CC2D1A: variants seen among roughly 807,000 people sequenced by gnomAD.
CC2D1A encodes coiled-coil and C2 domain-containing protein 1A.
In CC2D1A, 68 loss-of-function variants were observed where a neutral mutation model predicts 123.8. The ratio of observed to expected loss-of-function variants is 0.55; its 90% CI spans 0.45 to 0.67. The LOEUF is 0.67. CC2D1A is among the 30% of genes least tolerant of loss of function. The pLI is 0.00. For missense variants in CC2D1A, 1,185 were observed against 1,290.3 expected, an observed-to-expected ratio of 0.92 and a Z score of 1.25; for synonymous variants, 477 against 528.0, an observed-to-expected ratio of 0.90 and a Z score of 1.32.
At chr19:13,913,366 T>C in intron 5 of CC2D1A, 38 bp from the exon 6 acceptor site, 2 of 1,609,080 alleles carry the variant, frequency 1.2e-6, no homozygotes, top group Non-Finnish European at 1.7e-6. Flanking sequence ...CACCAAGCTC[T>C]TGGCTTCTCC....
chr19:13,917,869 G>A (rs1384360730), intron 6 of CC2D1A, among the ~76,000 whole-genome samples: 5 of 152,130 alleles, frequency 3.3e-5, no homozygotes, highest in African/African-American at 1.2e-4. Context: ...TACTCAGGAG[G>A]CTGAGGCAGG....
intron 1 of CC2D1A, among the ~76,000 whole-genome samples, chr19:13,908,985 G>C (rs952205584): frequency 6.6e-6 from 1 of 151,748 alleles, no homozygotes; most frequent in Non-Finnish European, 1.5e-5. Context: ...GAGTGCCGTA[G>C]CACAGTCATG....
chr19:13,929,462 G>A lies in CC2D1A; in HGVS notation c.2583+20G>A. The A allele has an allele frequency of 1.9e-6, 3 of 1,612,742 alleles. No individual in the cohort carries two copies. The highest frequency in any genetic ancestry group is 2.5e-6 in the Non-Finnish European group (3 of 1,179,868). On this transcript the variant is annotated intron_variant, in intron 25 of 28. Transcript: ENST00000318003. The stretch of plus-strand genomic sequence containing the variant: ...CGGAAGGTGGGTATCCATCCTGCCG[G>A]GCTACATGGGGCAGGACTGGGGAGT...
chr19:13,930,088 C>T lies in CC2D1A; in HGVS notation c.2721C>T (p.Ala907=), dbSNP rs757431462. The T allele has an allele frequency of 2.8e-5, 45 of 1,612,980 alleles. No homozygotes were observed. The highest frequency in any genetic ancestry group is 3.8e-5 in the Non-Finnish European group (45 of 1,179,626). The change falls in exon 27 of 29, where the codon GCC becomes GCT. Residue 907 remains alanine, a synonymous_variant. Coordinates refer to ENST00000318003, the MANE Select transcript of CC2D1A (RefSeq NM_017721.5). The surrounding 1 kb of genome is among the most constrained non-coding windows in gnomAD (Gnocchi z 6.8). The part of the protein sequence containing the change: ...GGVGIRREYA[A]QLERQLQFYT... ...GCCATCCATTCTCAGAATACGCAGC[C>T]CAGCTGGAGCGGCAGCTGCAGTTCT...
intron 1 of CC2D1A, among the ~76,000 whole-genome samples, chr19:13,907,838 A>G (rs1970835031): frequency 6.6e-6 from 1 of 152,192 alleles, no homozygotes; most frequent in Non-Finnish European, 1.5e-5. Flanking sequence ...TATCATTATT[A>G]CTAGTTGGTG....
At chr19:13,928,316 C>A in intron 24 of CC2D1A, 128 bp downstream of exon 24, 1 of 774,938 alleles carries the variant, frequency 1.3e-6, no homozygotes, top group Non-Finnish European at 2.1e-6. Context: ...TCTTGGCACC[C>A]CTTTTCCCAG....
Position 13,918,078 on chromosome 19 carries a change from A to G in CC2D1A, c.757A>G (p.Ser253Gly). 1 of 1,613,172 alleles carries G rather than the reference A, an allele frequency of 6.2e-7. No homozygotes were observed. Residue 253 changes from serine to glycine, a missense_variant, in exon 7 of 29, where the codon AGC becomes GGC. By Grantham distance (56) the Ser-to-Gly change is moderately conservative. Transcript: ENST00000318003. Reference protein sequence around the residue: ...AKPQMPPGPCSPGPLAQLQSR... With the variant: ...AKPQMPPGPCGPGPLAQLQSR... ...GTTGTTCTCCCTTCCAGGTCCCTGCAGCCCTGGCCCTCTGGCCCAGTTGCA... is the reference window on the plus strand; with the variant it reads ...GTTGTTCTCCCTTCCAGGTCCCTGCGGCCCTGGCCCTCTGGCCCAGTTGCA...
rs769591087 is a variant in CC2D1A, at chr19:13,927,281, T to C, written c.2316+16T>C. On this transcript the variant is annotated intron_variant, in intron 22 of 28. Coordinates refer to ENST00000318003, the MANE Select transcript of CC2D1A (RefSeq NM_017721.5). ...GATCCTTGAGGTGAGAGGTGGACAT[T>C]CATCCGCGTGCTCCGGTATGGCCAT... 1.0e-5 allele frequency: 16 copies of C among 1,597,962 alleles called. No individual in the cohort carries two copies. Among genetic ancestry groups the C allele is most frequent in the Non-Finnish European group, 1.4e-5 (16 of 1,165,442 alleles).
At position 13,920,760 on chromosome 19, in the gene CC2D1A, G is replaced by T; in HGVS notation, c.1479G>T (p.Gln493His). ...PKATSTRAQQ[Q>H]LAFLEGRKKQ... Reference sequence around the variant, plus strand: ...CTCCTATGCCCACAGCCCAGCAGCAGCTGGCCTTCCTAGAGGGCCGCAAGA... The same window carrying T: ...CTCCTATGCCCACAGCCCAGCAGCATCTGGCCTTCCTAGAGGGCCGCAAGA... Residue 493 changes from glutamine to histidine, a missense_variant, in exon 14 of 29, where the codon CAG becomes CAT. Coordinates refer to ENST00000318003, the MANE Select transcript of CC2D1A (RefSeq NM_017721.5). 1 of 1,613,276 alleles carries T rather than the reference G, an allele frequency of 6.2e-7. No homozygotes were observed. Among genetic ancestry groups the T allele is most frequent in the South Asian group, 1.1e-5 (1 of 91,046 alleles).
chr19:13,925,396 T>C (rs10401292), intron 17 of CC2D1A, among the ~76,000 whole-genome samples: 17,802 of 151,882 alleles, frequency 0.12, 3,346 homozygotes, highest in African/African-American at 0.4. Flanking sequence ...CTGGCTAACA[T>C]GGTGAAATCC....
In CC2D1A at chr19:13,906,476, G is replaced by T. The variant is rs1166152440; in HGVS notation, c.35G>T (p.Gly12Val). 6.6e-7 allele frequency: 1 copy of T among 1,514,628 alleles called. No homozygotes were observed. Among genetic ancestry groups the T allele is most frequent in the South Asian group, 1.2e-5 (1 of 81,522 alleles). The allele number at this position is 1,514,628 out of a possible 1,614,324, so 93.8% of individuals were successfully genotyped here. A position where few individuals can be genotyped will look rare whatever the true frequency, so the allele number is the denominator to read the frequency against. ...HKRKGPPGPP[G>V]RGAAAARQLG... ...AGGAAAGGACCCCCGGGACCCCCGG[G>T]CAGAGGCGCCGCGGCCGCCCGCCAG... Residue 12 changes from glycine to valine, a missense_variant, in exon 1 of 29, where the codon GGC (glycine) becomes GTC (valine). Gly to Val is a moderately radical substitution (Grantham distance 109). Coordinates refer to ENST00000318003, the MANE Select transcript of CC2D1A (RefSeq NM_017721.5). This position sits in a 1 kb window ranked among gnomAD's most constrained non-coding sequence, Gnocchi z 4.1.
chr19:13,926,753 C>T (rs1477198888), intron 19 of CC2D1A, 28 bp downstream of exon 19: 10 of 1,613,984 alleles, frequency 6.2e-6, no homozygotes, highest in Non-Finnish European at 8.5e-6. Context: ...GAGGGGAGGG[C>T]TGCAGCCTCA....
Position 13,926,527 on chromosome 19 carries a change from G to T in CC2D1A, c.1951G>T (p.Asp651Tyr). ...CTGCCCACCCGGAAGGATCTTCCCT[G>T]ACCTCAGCAGCAACGACATGCTCCT... ...RTFSVIKIFP[D>Y]LSSNDMLLFI... is the part of the protein sequence containing the mutation. Residue 651 changes from aspartate (D) to tyrosine (Y), a missense_variant, in exon 18 of 29, where the codon GAC becomes TAC. Asp to Tyr is a radical substitution (Grantham distance 160). Coordinates refer to ENST00000318003, the MANE Select transcript of CC2D1A (RefSeq NM_017721.5). The T allele has an allele frequency of 6.2e-7, 1 of 1,614,006 alleles. No homozygotes were observed. The highest frequency in any genetic ancestry group is 1.1e-5 in the South Asian group (1 of 91,046).
chr19:13,930,165 C>A lies in CC2D1A; in HGVS notation c.2787+11C>A. The stretch of plus-strand genomic sequence containing the variant: ...AACGATGGCAGCAGGGTGAGCTGGT[C>A]GCGGGCCGGGTGGGCACTGGGCAGC... On this transcript the variant is annotated intron_variant, in intron 27 of 28. Transcript: ENST00000318003. This position sits in a 1 kb window ranked among gnomAD's most constrained non-coding sequence, Gnocchi z 6.8. 1 of 1,613,152 alleles carries A rather than the reference C, an allele frequency of 6.2e-7. No homozygotes were observed. The highest frequency in any genetic ancestry group is 1.1e-5 in the South Asian group (1 of 91,004).
At position 13,920,766 on chromosome 19, in the gene CC2D1A, C is replaced by T; in HGVS notation, c.1485C>T (p.Ala495=). 6.2e-7 allele frequency: 1 copy of T among 1,613,512 alleles called. No homozygotes were observed. The highest frequency in any genetic ancestry group is 8.5e-7 in the Non-Finnish European group (1 of 1,179,630). The stretch of plus-strand genomic sequence containing the variant: ...TGCCCACAGCCCAGCAGCAGCTGGC[C>T]TTCCTAGAGGGCCGCAAGAAGCAGC... ...ATSTRAQQQL[A]FLEGRKKQLL... Residue 495 remains alanine (A), a synonymous_variant, in exon 14 of 29, where the codon GCC becomes GCT. Coordinates refer to ENST00000318003, the MANE Select transcript of CC2D1A (RefSeq NM_017721.5).
rs112492656 is a variant in CC2D1A at position 13,923,872 on chromosome 19, C to G, written c.1940+61C>G. On this transcript the variant is annotated intron_variant, in intron 17 of 28. Coordinates refer to ENST00000318003, the MANE Select transcript of CC2D1A (RefSeq NM_017721.5). The surrounding 1 kb of genome is among the most constrained non-coding windows in gnomAD (Gnocchi z 5.3). The stretch of plus-strand genomic sequence containing the variant: ...CAGTGGCCCTTTGGTGGCGGTGGGG[C>G]GGGTTGTGCTCCCCAGAAGCTGGCA... 145 of 1,269,596 alleles carry G rather than the reference C, an allele frequency of 1.1e-4. No individual in the cohort carries two copies. In the East Asian group the frequency reaches 3.1e-3, roughly 27 times the overall value. The allele number at this position is 1,269,596 out of a possible 1,614,324, so 78.6% of individuals were successfully genotyped here.
intron 17 of CC2D1A, among the ~76,000 whole-genome samples, chr19:13,926,254 G>A (rs1236981820): frequency 6.6e-6 from 1 of 151,738 alleles, no homozygotes; most frequent in Non-Finnish European, 1.5e-5. Flanking sequence ...ATATCACCCA[G>A]CAGCTAGGGT....
chr19:13,922,356 G>A (rs1971438525), intron 14 of CC2D1A, among the ~76,000 whole-genome samples: 2 of 152,098 alleles, frequency 1.3e-5, no homozygotes, highest in South Asian at 4.1e-4. Flanking sequence ...CTGTCTGGTA[G>A]CCTCAAACAC....
chr19:13,907,547 C>T (rs1452203438), intron 1 of CC2D1A, among the ~76,000 whole-genome samples: 2 of 151,970 alleles, frequency 1.3e-5, no homozygotes, highest in African/African-American at 2.4e-5. Flanking sequence ...GTGGCGGGCA[C>T]CTGTAATCCC....
Sources: allele counts gnomAD v4.1 joint callset (sites outside exome capture counted in the v4.1 genomes callset), GRCh38; gene constraint gnomAD v4.1.1; non-coding constraint Gnocchi (gnomAD v3.1); transcripts MANE v1.5; gene names NCBI Gene and HGNC (gene_info 2026-07-23, HGNC 2026-07-21).